The following WDR7 variants were observed in gnomAD, a reference collection of about 807,000 sequenced individuals.
WDR7 encodes the protein WD repeat-containing protein 7.
Under a neutral mutation model 169.4 loss-of-function variants are expected in WDR7, and 46 were observed. The ratio of observed to expected loss-of-function variants is 0.27; its 90% CI spans 0.21 to 0.35. The LOEUF is 0.35. Among genes scored for constraint, WDR7 ranks in the 10% least tolerant of loss-of-function variants. The pLI is 1.00. For synonymous variants in WDR7, 612 were observed against 666.8 expected (o/e 0.92, Z 1.27); for missense variants, 1,534 against 1,859.3 (o/e 0.83, Z 3.22).
chr18:56,765,373 TCTC>T (rs2044046655), intron 16 of WDR7, among the ~76,000 whole-genome samples: 1 of 152,058 alleles, frequency 6.6e-6, no homozygotes, highest in Non-Finnish European at 1.5e-5. Context: ...TTCCATTTGA[TCTC>T]CTTTATGGCT....
At chr18:56,854,466 A>G (rs143622854) in intron 20 of WDR7, among the ~76,000 whole-genome samples, 187 of 152,324 alleles carry the variant, frequency 1.2e-3, no homozygotes, top group African/African-American at 4.4e-3. Flanking sequence ...AGGAACCTCT[A>G]TGTGATCAGC....
rs537693442 is a variant in WDR7, at chr18:56,896,731, A to G, written c.3526+16566A>G. ...AGACAAAACCTTTCAAAAATTTTGAAAGATGATATAGGAAAATATGACCTT... is the reference window on the plus strand; with the variant it reads ...AGACAAAACCTTTCAAAAATTTTGAGAGATGATATAGGAAAATATGACCTT... On this transcript the variant is annotated intron_variant, in intron 21 of 27. Coordinates refer to ENST00000254442, the MANE Select transcript of WDR7 (RefSeq NM_015285.3). Among the ~76,000 whole-genome samples, 4 of 152,020 alleles carry G rather than the reference A, an allele frequency of 2.6e-5. No homozygotes were observed. In the South Asian group the frequency reaches 8.3e-4, roughly 32 times the overall value.
intron 20 of WDR7, among the ~76,000 whole-genome samples, chr18:56,872,090 CT>C (rs2045960634): frequency 1.3e-5 from 2 of 149,662 alleles, no homozygotes; most frequent in African/African-American, 5.1e-5. Flanking sequence ...CAATATATGG[CT>C]CAATAGCACA....
Position 56,966,375 on chromosome 18 carries a change from C to T in WDR7, c.4164+3846C>T, listed in dbSNP as rs578096735. Among the ~76,000 whole-genome samples, 7 of 152,174 alleles carry T rather than the reference C, an allele frequency of 4.6e-5. No individual in the cohort carries two copies. In the South Asian group the frequency reaches 1.5e-3, roughly 32 times the overall value. On this transcript the variant is annotated intron_variant, in intron 26 of 27. Coordinates refer to ENST00000254442, the MANE Select transcript of WDR7 (RefSeq NM_015285.3). The stretch of plus-strand genomic sequence containing the variant: ...GCAAGACCAACCCCTCTTCTTCATC[C>T]TCCTCCTCTGCCTATTCAACATGAA...
chr18:57,019,493 C>T lies in WDR7; in HGVS notation c.4165-1252C>T, dbSNP rs77999266. ...CTCACATCAATGCTCTCTCCCTGCC[C>T]AGAGCCCAGTTCTATACCAACATAA... is the stretch of plus-strand genomic sequence containing the variant. On this transcript the variant is annotated intron_variant, in intron 26 of 27. Coordinates refer to ENST00000254442, the MANE Select transcript of WDR7 (RefSeq NM_015285.3). Among the ~76,000 whole-genome samples, 18 of 152,206 alleles carry T rather than the reference C, an allele frequency of 1.2e-4. No homozygotes were observed. The East Asian group carries it at 3.1e-3, about 26-fold the overall frequency.
intron 20 of WDR7, among the ~76,000 whole-genome samples, chr18:56,869,563 A>G (rs1306400629): frequency 6.6e-6 from 1 of 152,196 alleles, no homozygotes; most frequent in Non-Finnish European, 1.5e-5. Flanking sequence ...TGTTTAATAC[A>G]GTGGGGGAAA....
rs947723688 is a variant in WDR7 at position 56,671,265 on chromosome 18, T to C, written c.-19-1232T>C. ...ATAACGGGTTTGGAGTAAGTGTGGT[T>C]GAATGGGTTTCACACTGAGCAAAGT... On this transcript the variant is annotated intron_variant, in intron 1 of 27. Coordinates refer to ENST00000254442, the MANE Select transcript of WDR7 (RefSeq NM_015285.3). 2.6e-5 allele frequency among the ~76,000 whole-genome samples: 4 copies of C among 151,710 alleles called. No individual in the cohort carries two copies. In the South Asian group the frequency reaches 8.3e-4, roughly 32 times the overall value.
intron 21 of WDR7, among the ~76,000 whole-genome samples, chr18:56,906,040 G>C (rs575781847): frequency 3.6e-3 from 212 of 58,112 alleles, no homozygotes; most frequent in African/African-American, 8.3e-3. Context: ...TAATCATTTT[G>C]CCACCCCTAA....
In WDR7 at chr18:56,775,953, G is replaced by A. The variant is rs1365515105; in HGVS notation, c.2849-829G>A. 5.3e-5 allele frequency among the ~76,000 whole-genome samples: 8 copies of A among 152,144 alleles called. No homozygotes were observed. The South Asian group carries it at 8.3e-4, about 16-fold the overall frequency. On this transcript the variant is annotated intron_variant, in intron 16 of 27. Transcript: ENST00000254442. ...CTTGTGCATGACATATGGTAATTTCGCCATAGGAAAGAAGTGTCAAATGGT... is the reference window on the plus strand; with the variant it reads ...CTTGTGCATGACATATGGTAATTTCACCATAGGAAAGAAGTGTCAAATGGT...
At position 56,680,269 on chromosome 18, in the gene WDR7, G is replaced by T. The variant is rs374425410; in HGVS notation, c.266+831G>T. The stretch of plus-strand genomic sequence containing the variant: ...GCTACTTAGGAGGCTGAGGTGGTAG[G>T]ATCACCCGAGCCCAGGAGATTGAGG... On this transcript the variant is annotated intron_variant, in intron 3 of 27. Transcript: ENST00000254442. 3.3e-5 allele frequency among the ~76,000 whole-genome samples: 5 copies of T among 152,188 alleles called. No homozygotes were observed. The East Asian group carries it at 5.8e-4, about 18-fold the overall frequency.
Position 56,880,031 on chromosome 18 carries a change from G to C in WDR7, c.3392G>C (p.Gly1131Ala), listed in dbSNP as rs754466647. The change falls in exon 21 of 28, where the codon GGA (glycine) becomes GCA (alanine). Residue 1131 changes from glycine (G) to alanine (A), a missense_variant. By Grantham distance (60) the Gly-to-Ala change is moderately conservative. Coordinates refer to ENST00000254442, the MANE Select transcript of WDR7 (RefSeq NM_015285.3). ...CAAGCTACCGCTATTGTTTTACTTG[G>C]AGTAATAGGAGCTGAATTTGGTGCT... ...RKQATAIVLL[G>A]VIGAEFGAEI... 4.3e-6 allele frequency: 7 copies of C among 1,614,052 alleles called. No individual in the cohort carries two copies. In the East Asian group the frequency reaches 1.6e-4, roughly 36 times the overall value.
intron 14 of WDR7, among the ~76,000 whole-genome samples, chr18:56,740,607 G>A (rs373258632): frequency 6.6e-5 from 10 of 152,248 alleles, no homozygotes; most frequent in African/African-American, 2.4e-4. Context: ...TCAAGGCTAG[G>A]TTGCAGTATT....
rs1223587394 is a variant in WDR7 at position 56,909,683 on chromosome 18, G to GA, written c.3527-14234dup. On this transcript the variant is annotated intron_variant, in intron 21 of 27. Transcript: ENST00000254442. ...AGCTATCAATGGCAATAGAATAACA[G>GA]AAAAATATATTAATATTTCTTATTT... Among the ~76,000 whole-genome samples, 3 of 152,094 alleles carry GA rather than the reference G, an allele frequency of 2.0e-5. No homozygotes were observed. The East Asian group carries it at 5.8e-4, about 29-fold the overall frequency.
At chr18:56,718,302 T>A (rs1028479783) in intron 13 of WDR7, 143 bp downstream of exon 13, 2 of 843,330 alleles carry the variant, frequency 2.4e-6, no homozygotes, top group African/African-American at 3.5e-5. Flanking sequence ...TTAAGTGGCC[T>A]CTTTTTTGTT....
intron 25 of WDR7, among the ~76,000 whole-genome samples, chr18:56,961,851 C>A (rs2145773043): frequency 6.6e-6 from 1 of 152,200 alleles, no homozygotes; most frequent in Non-Finnish European, 1.5e-5. Flanking sequence ...GGGAACTTGA[C>A]AGGATAACTT....
At chr18:57,010,531 G>C (rs2048121663) in intron 26 of WDR7, among the ~76,000 whole-genome samples, 1 of 152,010 alleles carries the variant, frequency 6.6e-6, no homozygotes, top group Admixed American at 6.6e-5. Context: ...CAAACATACT[G>C]CTGTCATTTT....
chr18:56,785,365 A>G (rs1483929065), intron 19 of WDR7, among the ~76,000 whole-genome samples: 3 of 152,228 alleles, frequency 2.0e-5, no homozygotes, highest in Admixed American at 2.0e-4. Context: ...CTTCTTTGAA[A>G]ATGGGCAAAA....
intron 13 of WDR7, among the ~76,000 whole-genome samples, chr18:56,724,160 AT>A (rs112652896): frequency 0.052 from 4,723 of 91,016 alleles, 264 homozygotes; most frequent in African/African-American, 0.16. Flanking sequence ...TCTTGATTTG[AT>A]TTTTTTTTTT....
chr18:56,948,293 C>T (rs910716173), intron 25 of WDR7, among the ~76,000 whole-genome samples: 20 of 152,076 alleles, frequency 1.3e-4, no homozygotes, highest in African/African-American at 4.8e-4. Flanking sequence ...CCAGCATTCC[C>T]AGATAGGTCC....
Sources: allele counts gnomAD v4.1 joint callset (sites outside exome capture counted in the v4.1 genomes callset), GRCh38; gene constraint gnomAD v4.1.1; transcripts MANE v1.5; gene names NCBI Gene and HGNC (gene_info 2026-07-23, HGNC 2026-07-21).